YBX1: variants seen among roughly 807,000 people sequenced by gnomAD.
YBX1 encodes Y-box-binding protein 1.
A neutral mutation model predicts 41.4 loss-of-function variants in YBX1; 3 were observed. The observed-to-expected ratio is 0.07, with a 90% CI of 0.03 to 0.19. The LOEUF (loss-of-function observed/expected upper bound fraction) is 0.19, where lower values mean the gene tolerates loss of function less well. Among genes scored for constraint, YBX1 ranks in the 10% least tolerant of loss-of-function variants. The probability of loss-of-function intolerance (pLI) is 1.00; values close to 1 mark genes in which losing one functional copy is unlikely to be tolerated. For missense variants in YBX1, 274 were observed against 462.8 expected, an observed-to-expected ratio of 0.59 and a Z score of 3.74; for synonymous variants, 133 against 165.8, an observed-to-expected ratio of 0.80 and a Z score of 1.52.
chr1:42,688,190 C>T lies in YBX1; in HGVS notation c.230+4724C>T, dbSNP rs148395632. On this transcript the variant is annotated intron_variant, in intron 2 of 7. Coordinates refer to ENST00000321358, the MANE Select transcript of YBX1 (RefSeq NM_004559.5). ...TAGAGAACTAGTATCCAGTTTGACT[C>T]GTGAACAATGTGAGTTTGAACCACA... 4.0e-3 allele frequency among the ~76,000 whole-genome samples: 607 copies of T among 152,212 alleles called. 3 individuals carry two copies. The highest frequency in any genetic ancestry group is 0.014 in the African/African-American group (578 of 41,528).
chr1:42,694,937 G>A (rs1403482693), intron 3 of YBX1, among the ~76,000 whole-genome samples: 6 of 152,046 alleles, frequency 3.9e-5, no homozygotes, highest in Non-Finnish European at 7.4e-5. Context: ...GGGCAGGGGT[G>A]GAGATGTTGA....
chr1:42,692,363 AT>A (rs1650361848), intron 2 of YBX1, among the ~76,000 whole-genome samples: 1 of 152,114 alleles, frequency 6.6e-6, no homozygotes. Context: ...TACAGCCATC[AT>A]TTCCCTAGGC....
chr1:42,682,494 G>T lies in YBX1; in HGVS notation c.-72G>T. 1 of 1,358,086 alleles carries T rather than the reference G, an allele frequency of 7.4e-7. No homozygotes were observed. Among genetic ancestry groups the T allele is most frequent in the Non-Finnish European group, 9.4e-7 (1 of 1,058,650 alleles). 84.1% of individuals were successfully genotyped at this position (1,358,086 alleles called of 1,614,324 possible). The stretch of plus-strand genomic sequence containing the variant: ...CCTGAGCAGCCCCACCGCCGCCGCC[G>T]GCCTAGTTACCATCACACCCCGGGA... On this transcript the variant is annotated 5_prime_UTR_variant, in exon 1 of 8. Coordinates refer to ENST00000321358, the MANE Select transcript of YBX1 (RefSeq NM_004559.5).
chr1:42,688,994 G>A (rs1047241756), intron 2 of YBX1, among the ~76,000 whole-genome samples: 3 of 152,156 alleles, frequency 2.0e-5, no homozygotes, highest in Admixed American at 6.5e-5. Flanking sequence ...TTAAATTTTG[G>A]AAGAGTCAAA....
At chr1:42,695,592 A>G (rs1650440828) in intron 3 of YBX1, among the ~76,000 whole-genome samples, 1 of 152,264 alleles carries the variant, frequency 6.6e-6, no homozygotes, top group Admixed American at 6.5e-5. Context: ...AGTCTCTAAT[A>G]CAAGATTTAT....
chr1:42,691,513 C>T (rs74070006), intron 2 of YBX1, among the ~76,000 whole-genome samples: 6,605 of 152,124 alleles, frequency 0.043, 196 homozygotes, highest in African/African-American at 0.072. Context: ...CACGTAACTA[C>T]TTTTAATTAT....
chr1:42,686,195 T>TA (rs1403008889), intron 2 of YBX1, among the ~76,000 whole-genome samples: 1 of 152,336 alleles, frequency 6.6e-6, no homozygotes, highest in East Asian at 1.9e-4. Context: ...CCAGAGTACT[T>TA]AAAATGTTTA....
intron 2 of YBX1, among the ~76,000 whole-genome samples, chr1:42,685,885 A>G (rs1277840093): frequency 6.6e-6 from 1 of 152,216 alleles, no homozygotes; most frequent in African/African-American, 2.4e-5. Flanking sequence ...CTTCTCCCTG[A>G]TGGTTATATT....
chr1:42,682,809 G>A (rs1331291757), intron 1 of YBX1, 78 bp downstream of exon 1: 9 of 1,037,522 alleles, frequency 8.7e-6, no homozygotes, highest in East Asian at 3.8e-5. Flanking sequence ...TGGGCGAGCC[G>A]GCGGGCGCGC....
At chr1:42,682,771 GC>G in intron 1 of YBX1, 40 bp downstream of exon 1, 1 of 1,176,220 alleles carries the variant, frequency 8.5e-7, no homozygotes, top group Non-Finnish European at 1.1e-6. Context: ...CCCTCGGGCA[GC>G]CCAGCAGCGG....
chr1:42,701,042 T>C lies in YBX1; in HGVS notation c.*27T>C. On this transcript the variant is annotated 3_prime_UTR_variant, in exon 7 of 8. Coordinates refer to ENST00000321358, the MANE Select transcript of YBX1 (RefSeq NM_004559.5). Reference sequence around the variant, plus strand: ...TGCCGGCTTACCATCTCTACCATCATCCGGGTAAGCAAGCTTGGATGGCCA... The same window carrying C: ...TGCCGGCTTACCATCTCTACCATCACCCGGGTAAGCAAGCTTGGATGGCCA... 1 of 1,611,592 alleles carries C rather than the reference T, an allele frequency of 6.2e-7. No homozygotes were observed. The highest frequency in any genetic ancestry group is 2.2e-5 in the East Asian group (1 of 44,832).
rs1157575515 is a variant in YBX1 at position 42,700,815 on chromosome 1, G to T, written c.775G>T (p.Gly259Cys). ...PPRQRQPRED[G>C]NEEDKENQGD... is the part of the protein sequence containing the mutation. ...TCGCCAAAGACAGCCTAGAGAGGAC[G>T]GCAATGAAGAAGATAAAGAAAATCA... is the stretch of plus-strand genomic sequence containing the variant. The change falls in exon 7 of 8, where the codon GGC becomes TGC. Residue 259 changes from glycine (G) to cysteine (C), a missense_variant. Transcript: ENST00000321358. The T allele has an allele frequency of 4.3e-6, 7 of 1,611,964 alleles. No homozygotes were observed. Among genetic ancestry groups the T allele is most frequent in the Non-Finnish European group, 1.7e-6 (2 of 1,179,814 alleles).
At chr1:42,699,155 G>A (rs1344202509) in intron 6 of YBX1, among the ~76,000 whole-genome samples, 1 of 152,180 alleles carries the variant, frequency 6.6e-6, no homozygotes, top group Non-Finnish European at 1.5e-5. Context: ...CTTTCTCAGA[G>A]AGGGTAGGGT....
At position 42,683,555 on chromosome 1, in the gene YBX1, A is replaced by G. The variant is rs1322754445; in HGVS notation, c.230+89A>G. The stretch of plus-strand genomic sequence containing the variant: ...CTCGGGGCTTGGGAAGCCCCAATCC[A>G]CAGCTCTGTTCTGAAAGGCGTTTAC... On this transcript the variant is annotated intron_variant, in intron 2 of 7. Coordinates refer to ENST00000321358, the MANE Select transcript of YBX1 (RefSeq NM_004559.5). 4 of 1,478,638 alleles carry G rather than the reference A, an allele frequency of 2.7e-6. No individual in the cohort carries two copies. In the African/African-American group the frequency reaches 4.2e-5, roughly 15 times the overall value. The allele number at this position is 1,478,638 out of a possible 1,614,324, so 91.6% of individuals were successfully genotyped here.
chr1:42,697,869 C>A (rs557523933), intron 6 of YBX1, among the ~76,000 whole-genome samples: 3 of 152,066 alleles, frequency 2.0e-5, no homozygotes, highest in Non-Finnish European at 4.4e-5. Flanking sequence ...ATATTTTAGT[C>A]CATGCCGTAG....
chr1:42,684,403 G>A (rs936634957), intron 2 of YBX1, among the ~76,000 whole-genome samples: 4 of 152,200 alleles, frequency 2.6e-5, no homozygotes, highest in African/African-American at 9.6e-5. Flanking sequence ...GGCCTCACAG[G>A]TATGGTACTT....
chr1:42,701,218 A>G (rs1238549411), intron 7 of YBX1, among the ~76,000 whole-genome samples, 172 bp downstream of exon 7: 1 of 152,168 alleles, frequency 6.6e-6, no homozygotes, highest in African/African-American at 2.4e-5. Flanking sequence ...AGGAATATTG[A>G]ATATCAGAGT....
Position 42,696,620 on chromosome 1 carries a change from C to A in YBX1, c.355-22C>A. On this transcript the variant is annotated intron_variant, in intron 4 of 7. Transcript: ENST00000321358. This position sits in a 1 kb window ranked among gnomAD's most constrained non-coding sequence, Gnocchi z 5.7. ...GTGTTCTGATTTCCTTTGTCACTAT[C>A]AATATGTAATGGCTTTTGTAGGGTG... The A allele has an allele frequency of 1.4e-6, 2 of 1,438,616 alleles. No individual in the cohort carries two copies. The highest frequency in any genetic ancestry group is 2.9e-5 in the South Asian group (2 of 68,266). The allele number at this position is 1,438,616 out of a possible 1,614,324, so 89.1% of individuals were successfully genotyped here.
At chr1:42,693,632 GTTTA>G in intron 3 of YBX1, 109 bp downstream of exon 3, 1 of 1,147,672 alleles carries the variant, frequency 8.7e-7, no homozygotes, top group Non-Finnish European at 1.3e-6. Context: ...CCAACCACCA[GTTTA>G]TTTACTTACG....
Sources: gnomAD v4.1 joint callset for allele counts (sites outside exome capture counted in the v4.1 genomes callset) on GRCh38, gnomAD v4.1.1 for gene constraint, Gnocchi (gnomAD v3.1) non-coding constraint, MANE v1.5 for transcripts, NCBI Gene and HGNC (gene_info 2026-07-23, HGNC 2026-07-21) for gene names.